GRID1: variants seen among roughly 807,000 people sequenced by gnomAD.
The protein encoded by GRID1 is glutamate receptor ionotropic, delta-1.
A neutral mutation model predicts 98.0 loss-of-function variants in GRID1; 28 were observed. That is an observed-to-expected ratio of 0.29 (90% CI 0.21 to 0.39). The LOEUF (loss-of-function observed/expected upper bound fraction) is 0.39. GRID1 is among the 10% of genes least tolerant of loss of function. The pLI, the probability that GRID1 is intolerant of heterozygous loss-of-function variation, is 1.00. For synonymous variants in GRID1, 553 were observed against 538.5 expected, an observed-to-expected ratio of 1.03 and a Z score of -0.37; for missense variants, 1,111 against 1,340.5, an observed-to-expected ratio of 0.83 and a Z score of 2.67.
intron 5 of GRID1, among the ~76,000 whole-genome samples, chr10:85,877,530 C>A (rs926772906): frequency 6.6e-5 from 10 of 152,224 alleles, no homozygotes; most frequent in African/African-American, 2.4e-4. Context: ...GGACCTCTAG[C>A]AAACTCCAAC....
At chr10:85,701,650 T>C (rs1216582171) in intron 12 of GRID1, among the ~76,000 whole-genome samples, 8 of 152,128 alleles carry the variant, frequency 5.3e-5, no homozygotes, top group Non-Finnish European at 7.4e-5. Flanking sequence ...AACCCACCTG[T>C]TTATGGAAAG....
chr10:85,637,094 A>G (rs905021907), intron 13 of GRID1, among the ~76,000 whole-genome samples: 1 of 152,188 alleles, frequency 6.6e-6, no homozygotes, highest in African/African-American at 2.4e-5. Context: ...ACATTGTCAG[A>G]AAAATCTTTT....
intron 2 of GRID1, among the ~76,000 whole-genome samples, chr10:86,324,699 T>C (rs1287855825): frequency 6.6e-6 from 1 of 151,546 alleles, no homozygotes. Flanking sequence ...AAACACAAAA[T>C]AAAATGGCAA....
intron 2 of GRID1, among the ~76,000 whole-genome samples, chr10:86,342,545 T>C (rs1405724064): frequency 6.6e-6 from 1 of 152,210 alleles, no homozygotes; most frequent in Non-Finnish European, 1.5e-5. Flanking sequence ...GGCCCTGTTA[T>C]ATACCCAAGG....
chr10:86,345,762 C>T (rs747865623), intron 2 of GRID1, among the ~76,000 whole-genome samples: 21 of 152,134 alleles, frequency 1.4e-4, no homozygotes, highest in Non-Finnish European at 2.4e-4. Context: ...CTTTGATGCT[C>T]AGGGGTTCAG....
chr10:85,941,869 T>C (rs974644544), intron 4 of GRID1, among the ~76,000 whole-genome samples: 3 of 152,182 alleles, frequency 2.0e-5, no homozygotes, highest in Non-Finnish European at 4.4e-5. Flanking sequence ...ATAAGAATGC[T>C]CCCAGACAAA....
chr10:85,773,003 G>C (rs1427284678), intron 8 of GRID1, among the ~76,000 whole-genome samples: 1 of 152,034 alleles, frequency 6.6e-6, no homozygotes, highest in Non-Finnish European at 1.5e-5. Flanking sequence ...TACCAAAGCC[G>C]GGCAGAGACA....
intron 8 of GRID1, among the ~76,000 whole-genome samples, chr10:85,782,053 A>G (rs1476473603): frequency 6.6e-6 from 1 of 152,252 alleles, no homozygotes; most frequent in Non-Finnish European, 1.5e-5. Context: ...TTTAAAGTTT[A>G]ATTACAATAA....
chr10:85,606,945 G>A (rs1477744022), intron 15 of GRID1: 1 of 152,160 alleles, frequency 6.6e-6, no homozygotes, highest in Non-Finnish European at 1.5e-5. Context: ...AACAGACTTG[G>A]AAACTTACTG....
At chr10:86,354,044 G>A (rs1848499756) in intron 2 of GRID1, among the ~76,000 whole-genome samples, 1 of 152,168 alleles carries the variant, frequency 6.6e-6, no homozygotes, top group Admixed American at 6.5e-5. Context: ...CACACCTCTG[G>A]GCACTCAGAT....
chr10:86,058,942 T>G (rs1211040640), intron 4 of GRID1, among the ~76,000 whole-genome samples: 1 of 152,198 alleles, frequency 6.6e-6, no homozygotes, highest in Admixed American at 6.5e-5. Flanking sequence ...GAACAGGTAC[T>G]GGGCCCTGTG....
chr10:85,866,935 G>A (rs553769810), intron 6 of GRID1, among the ~76,000 whole-genome samples: 1 of 152,270 alleles, frequency 6.6e-6, no homozygotes, highest in East Asian at 1.9e-4. Flanking sequence ...GGGAGGCATA[G>A]TGTCCCAGGG....
chr10:85,715,028 G>A (rs2132641003), intron 12 of GRID1, among the ~76,000 whole-genome samples: 1 of 152,122 alleles, frequency 6.6e-6, no homozygotes, highest in South Asian at 2.1e-4. Flanking sequence ...TATAGTATTG[G>A]CATAAAAACA....
chr10:86,122,110 A>G (rs1319802956), intron 4 of GRID1, among the ~76,000 whole-genome samples: 1 of 152,246 alleles, frequency 6.6e-6, no homozygotes, highest in African/African-American at 2.4e-5. Context: ...AAATGCAGTC[A>G]TTTACTAACC....
At chr10:85,905,643 AG>A (rs1841450710) in intron 5 of GRID1, among the ~76,000 whole-genome samples, 1 of 152,164 alleles carries the variant, frequency 6.6e-6, no homozygotes, top group African/African-American at 2.4e-5. Context: ...TACTATTGTA[AG>A]ATACTTATAC....
At chr10:85,961,444 C>G (rs1161513501) in intron 4 of GRID1, among the ~76,000 whole-genome samples, 1 of 152,174 alleles carries the variant, frequency 6.6e-6, no homozygotes, top group Admixed American at 6.5e-5. Context: ...CACTTGGGTC[C>G]TGAGGCAAAC....
intron 3 of GRID1, among the ~76,000 whole-genome samples, chr10:86,193,576 C>G (rs1845834678): frequency 6.6e-6 from 1 of 151,976 alleles, no homozygotes; most frequent in Admixed American, 6.6e-5. Flanking sequence ...CCCTGGGGGA[C>G]AGAGGCAGCC....
At chr10:85,754,027 A>T (rs1273565758) in intron 8 of GRID1, among the ~76,000 whole-genome samples, 1 of 151,322 alleles carries the variant, frequency 6.6e-6, no homozygotes, top group African/African-American at 2.4e-5. Context: ...AAGTTTTAAG[A>T]AAAAAAAACT....
At chr10:85,801,015 T>C (rs1452764670) in intron 8 of GRID1, among the ~76,000 whole-genome samples, 1 of 151,934 alleles carries the variant, frequency 6.6e-6, no homozygotes, top group Non-Finnish European at 1.5e-5. Flanking sequence ...GGATTATTGA[T>C]TTGGAGAGAG....
Sources: gnomAD v4.1 joint callset for allele counts (sites outside exome capture counted in the v4.1 genomes callset) on GRCh38, gnomAD v4.1.1 for gene constraint, MANE v1.5 for transcripts, NCBI Gene and HGNC (gene_info 2026-07-23, HGNC 2026-07-21) for gene names.